The following FYB1 variants were observed in gnomAD, a reference collection of about 807,000 sequenced individuals.
FYB1 encodes the protein FYN binding protein 1.
Under a neutral mutation model 94.1 loss-of-function variants are expected in FYB1, and 41 were observed. The observed-to-expected ratio is 0.44, with a 90% confidence interval of 0.34 to 0.57. The LOEUF is 0.57. Among genes scored for constraint, FYB1 ranks in the 20% least tolerant of loss-of-function variants. The probability of loss-of-function intolerance (pLI) is 0.02; values close to 1 mark genes in which losing one functional copy is unlikely to be tolerated. For missense variants in FYB1, 1,050 were observed against 976.8 expected (o/e 1.07, Z -1.00); for synonymous variants, 367 against 353.2 (o/e 1.04, Z -0.44).
chr5:39,228,959 A>G (rs1337434318), intron 1 of FYB1, among the ~76,000 whole-genome samples: 1 of 152,132 alleles, frequency 6.6e-6, no homozygotes, highest in Non-Finnish European at 1.5e-5. Context: ...TTTGTCCACT[A>G]TAATTTTTTT....
chr5:39,249,699 G>C (rs909663767), intron 1 of FYB1, among the ~76,000 whole-genome samples: 3 of 152,192 alleles, frequency 2.0e-5, no homozygotes, highest in African/African-American at 7.2e-5. Context: ...TAAGTTTGGT[G>C]TCAGTGCACT....
chr5:39,171,562 A>G lies in FYB1; in HGVS notation c.1136-17958T>C, dbSNP rs567823514. 2.0e-5 allele frequency among the ~76,000 whole-genome samples: 3 copies of G among 152,340 alleles called. No homozygotes were observed. The South Asian group carries it at 6.2e-4, about 32-fold the overall frequency. On this transcript the variant is annotated intron_variant, in intron 2 of 18. Coordinates refer to ENST00000512982, the MANE Select transcript of FYB1 (RefSeq NM_001465.6). ...GATATAAAATAAATGGTGGGTACAC[A>G]TGTCTCATTTGAAGTTCAACCTAAA...
At chr5:39,161,623 T>C (rs1266930993) in intron 2 of FYB1, among the ~76,000 whole-genome samples, 1 of 152,054 alleles carries the variant, frequency 6.6e-6, no homozygotes, top group East Asian at 1.9e-4. Context: ...GAGTTCTCCA[T>C]TGCATGGATT....
intron 17 of FYB1, among the ~76,000 whole-genome samples, 181 bp downstream of exon 17, chr5:39,110,175 T>C (rs553565189): frequency 1.3e-5 from 2 of 152,288 alleles, no homozygotes; most frequent in East Asian, 1.9e-4. Flanking sequence ...AGAGTAGCAC[T>C]TCATGGAAAC....
chr5:39,122,782 T>C (rs1045439816), intron 13 of FYB1, among the ~76,000 whole-genome samples: 1 of 152,094 alleles, frequency 6.6e-6, no homozygotes, highest in African/African-American at 2.4e-5. Flanking sequence ...GAAATTGAGA[T>C]TCTTATGGGA....
At chr5:39,183,971 A>G (rs1444290638) in intron 2 of FYB1, among the ~76,000 whole-genome samples, 1 of 152,208 alleles carries the variant, frequency 6.6e-6, no homozygotes, top group Non-Finnish European at 1.5e-5. Context: ...AATGATGGGT[A>G]AAAAGGAAAT....
At chr5:39,237,019 G>A (rs1466969464) in intron 1 of FYB1, among the ~76,000 whole-genome samples, 1 of 152,258 alleles carries the variant, frequency 6.6e-6, no homozygotes, top group East Asian at 1.9e-4. Flanking sequence ...GGTGGTGGTA[G>A]GCAGTGAGTA....
At chr5:39,186,756 A>T (rs1379357242) in intron 2 of FYB1, among the ~76,000 whole-genome samples, 1 of 134,232 alleles carries the variant, frequency 7.4e-6, no homozygotes, top group African/African-American at 2.8e-5. Context: ...TTCTCCTTTT[A>T]TCCTTTAAAA....
intron 14 of FYB1, among the ~76,000 whole-genome samples, chr5:39,121,018 C>T (rs1580315464): frequency 6.6e-6 from 1 of 151,840 alleles, no homozygotes; most frequent in Non-Finnish European, 1.5e-5. Flanking sequence ...TTAGAGAACA[C>T]AAACTTGCTT....
chr5:39,242,529 C>T (rs542871784), intron 1 of FYB1, among the ~76,000 whole-genome samples: 1 of 152,112 alleles, frequency 6.6e-6, no homozygotes, highest in African/African-American at 2.4e-5. Flanking sequence ...TTTCTTAATC[C>T]AATCTATCAT....
At chr5:39,154,565 G>A (rs1005358470) in intron 2 of FYB1, among the ~76,000 whole-genome samples, 4 of 151,222 alleles carry the variant, frequency 2.6e-5, no homozygotes, top group South Asian at 2.1e-4. Context: ...GGAGTGCAGC[G>A]GTGCGATCTC....
chr5:39,168,382 T>C (rs1744932659), intron 2 of FYB1, among the ~76,000 whole-genome samples: 2 of 152,202 alleles, frequency 1.3e-5, no homozygotes, highest in Non-Finnish European at 2.9e-5. Flanking sequence ...TGTATTTTAA[T>C]GACAATTAAT....
At chr5:39,207,033 A>G (rs1748921133) in intron 1 of FYB1, among the ~76,000 whole-genome samples, 1 of 150,880 alleles carries the variant, frequency 6.6e-6, no homozygotes, top group Non-Finnish European at 1.5e-5. Context: ...GTTGGATCAT[A>G]TTGGTGCGTG....
chr5:39,232,548 T>C (rs2584248), intron 1 of FYB1, among the ~76,000 whole-genome samples: 99,559 of 148,096 alleles, frequency 0.67, 36,743 homozygotes, highest in Non-Finnish European at 0.83. Context: ...TATTTATTTA[T>C]TTTTTATTTA....
At chr5:39,116,526 T>C (rs1256668626) in intron 16 of FYB1, among the ~76,000 whole-genome samples, 1 of 152,208 alleles carries the variant, frequency 6.6e-6, no homozygotes, top group Non-Finnish European at 1.5e-5. Context: ...GTATTTGTAA[T>C]AGTACTTAGA....
chr5:39,239,393 G>GA (rs1442707404), intron 1 of FYB1, among the ~76,000 whole-genome samples: 1 of 152,136 alleles, frequency 6.6e-6, no homozygotes, highest in Non-Finnish European at 1.5e-5. Context: ...CAGATGATAT[G>GA]ATTGTACAAC....
chr5:39,126,589 C>G (rs1372474236), intron 11 of FYB1, among the ~76,000 whole-genome samples: 1 of 148,872 alleles, frequency 6.7e-6, no homozygotes, highest in Non-Finnish European at 1.5e-5. Context: ...CCCAGCTGCT[C>G]AGAGGCTGAG....
chr5:39,108,829 G>T (rs1288503040), intron 17 of FYB1, among the ~76,000 whole-genome samples: 4 of 151,858 alleles, frequency 2.6e-5, no homozygotes, highest in Non-Finnish European at 5.9e-5. Flanking sequence ...ATGATTATAG[G>T]CAGCATCCAT....
chr5:39,221,231 TG>T (rs971342118), upstream of FYB1, among the ~76,000 whole-genome samples: 49 of 152,216 alleles, frequency 3.2e-4, no homozygotes, highest in African/African-American at 1.2e-3. Context: ...TGGGATGCTG[TG>T]GGGGCCTGAG....
Sources: gnomAD v4.1 joint callset for allele counts (sites outside exome capture counted in the v4.1 genomes callset) on GRCh38, gnomAD v4.1.1 for gene constraint, MANE v1.5 for transcripts, NCBI Gene and HGNC (gene_info 2026-07-23, HGNC 2026-07-21) for gene names.